The following PIKFYVE variants were observed in gnomAD, a reference collection of about 807,000 sequenced individuals.
PIKFYVE encodes phosphoinositide kinase, FYVE-type zinc finger containing.
PIKFYVE carries 122 observed loss-of-function variants against 257.9 expected under a neutral mutation model. The ratio of observed to expected loss-of-function variants is 0.47; its 90% CI spans 0.41 to 0.55. The LOEUF is 0.55. Ranked by LOEUF, PIKFYVE falls within the 20% of genes least tolerant of loss-of-function variation. The probability of loss-of-function intolerance (pLI) is 0.00; values close to 1 mark genes in which losing one functional copy is unlikely to be tolerated. For synonymous variants in PIKFYVE, 892 were observed against 868.9 expected (o/e 1.03, Z -0.47); for missense variants, 2,160 against 2,536.6 (o/e 0.85, Z 3.19).
intron 31 of PIKFYVE, 36 bp from the exon 32 acceptor site, chr2:208,342,518 A>T (rs371801680): frequency 3.5e-6 from 5 of 1,435,110 alleles, no homozygotes; most frequent in Admixed American, 3.3e-5. Context: ...ACTCTAGAGT[A>T]CTTAGTTAAC....
In PIKFYVE at chr2:208,358,020, G is replaced by A. The variant is rs1188947351; in HGVS notation, c.*2715G>A. On this transcript the variant is annotated 3_prime_UTR_variant, in exon 42 of 42. Coordinates refer to ENST00000264380, the MANE Select transcript of PIKFYVE (RefSeq NM_015040.4). ...AGAAAAATAATGAGAACAAGCTGTTGCAAGCTCTTTTGTAGTCTATTGAAT... is the reference window on the plus strand; with the variant it reads ...AGAAAAATAATGAGAACAAGCTGTTACAAGCTCTTTTGTAGTCTATTGAAT... 1 of 152,148 alleles carries A rather than the reference G, an allele frequency of 6.6e-6. No individual in the cohort carries two copies. Among genetic ancestry groups the A allele is most frequent in the African/African-American group, 2.4e-5 (1 of 41,434 alleles). 9.4% of individuals were successfully genotyped at this position (152,148 alleles called of 1,614,324 possible).
intron 17 of PIKFYVE, 32 bp downstream of exon 17, chr2:208,320,391 G>A: frequency 1.2e-6 from 2 of 1,606,698 alleles, no homozygotes; most frequent in Non-Finnish European, 1.7e-6. Flanking sequence ...TAATAATTTA[G>A]AGGGATGTTT....
chr2:208,349,992 C>A, intron 35 of PIKFYVE, 32 bp from the exon 36 acceptor site: 1 of 1,609,790 alleles, frequency 6.2e-7, no homozygotes, highest in Admixed American at 1.7e-5. Context: ...TACTCAAAAC[C>A]TTGGCTTTAC....
In PIKFYVE at chr2:208,304,869, A is replaced by C. The variant is rs1238394145; in HGVS notation, c.1492A>C (p.Thr498Pro). The change falls in exon 12 of 42, where the codon ACA becomes CCA. Residue 498 changes from threonine to proline, a missense_variant. This residue lies in a region of PIKFYVE where 346 missense variants were observed against 365.6 expected (regional missense o/e 0.95). Coordinates refer to ENST00000264380, the MANE Select transcript of PIKFYVE (RefSeq NM_015040.4). ...AGATTCTGCCAGTCCTAGCAAGCGC[A>C]CATCAGTCAGCAGTTTCCAGTCCAC... ...LANSASPSKR[T>P]SVSSFQSTVD... The C allele has an allele frequency of 3.1e-6, 5 of 1,614,154 alleles. No individual in the cohort carries two copies. In the Admixed American group the frequency reaches 8.3e-5, roughly 27 times the overall value.
chr2:208,341,429 C>G (rs1301670375), intron 31 of PIKFYVE, among the ~76,000 whole-genome samples: 2 of 152,076 alleles, frequency 1.3e-5, no homozygotes, highest in African/African-American at 4.8e-5. Context: ...AGACCTTCCC[C>G]CTTACCTCCT....
At chr2:208,296,453 C>T (rs912468747) in intron 7 of PIKFYVE, among the ~76,000 whole-genome samples, 11 of 152,098 alleles carry the variant, frequency 7.2e-5, no homozygotes, top group African/African-American at 2.7e-4. Context: ...CTGGGAGGAA[C>T]AGTTTGGTTT....
At chr2:208,278,260 A>C (rs1335383392) in intron 5 of PIKFYVE, among the ~76,000 whole-genome samples, 1 of 147,714 alleles carries the variant, frequency 6.8e-6, no homozygotes, top group African/African-American at 2.5e-5. Context: ...CTCTCATGTT[A>C]TTTTTGTTAT....
rs1559120628 is a variant in PIKFYVE, at chr2:208,321,570, C to CTTTTCTTTTCTTTTT, written c.2190+1215_2190+1216insCTTTTCTTTTTTTTT. On this transcript the variant is annotated intron_variant, in intron 17 of 41. Transcript: ENST00000264380. ...AATACTTCTTTTTTCTTTTTCTTTT[C>CTTTTCTTTTCTTTTT]TTTTGTTTTTTTTTTTTTTTTTTTG... Among the ~76,000 whole-genome samples the CTTTTCTTTTCTTTTT allele has an allele frequency of 3.8e-4, 4 of 10,598 alleles. 1 individual carries two copies. Among genetic ancestry groups the CTTTTCTTTTCTTTTT allele is most frequent in the African/African-American group, 5.3e-4 (4 of 7,536 alleles). The allele number at this position is 10,598 out of a possible 152,430, so 7.0% of individuals were successfully genotyped here. A position where few individuals can be genotyped will look rare whatever the true frequency, so the allele number is the denominator to read the frequency against.
chr2:208,297,143 C>T (rs1693092261), intron 7 of PIKFYVE, among the ~76,000 whole-genome samples: 1 of 152,122 alleles, frequency 6.6e-6, no homozygotes, highest in South Asian at 2.1e-4. Context: ...AATGCTGTCT[C>T]TAAATATAAT....
At chr2:208,274,277 T>C (rs1347380344) in intron 3 of PIKFYVE, among the ~76,000 whole-genome samples, 1 of 152,242 alleles carries the variant, frequency 6.6e-6, no homozygotes, top group Non-Finnish European at 1.5e-5. Context: ...AGTCATCTCC[T>C]TCATTTTCAT....
intron 32 of PIKFYVE, among the ~76,000 whole-genome samples, chr2:208,344,414 A>G (rs1442717310): frequency 6.6e-6 from 1 of 152,146 alleles, no homozygotes; most frequent in Non-Finnish European, 1.5e-5. Flanking sequence ...CCATATGATA[A>G]CATTTTTAGC....
At chr2:208,281,902 A>G (rs1406620331) in intron 5 of PIKFYVE, among the ~76,000 whole-genome samples, 3 of 152,210 alleles carry the variant, frequency 2.0e-5, no homozygotes, top group East Asian at 1.9e-4. Context: ...CTGATTTTTA[A>G]CAATCTTAGC....
intron 23 of PIKFYVE, among the ~76,000 whole-genome samples, chr2:208,331,379 T>G (rs902492986): frequency 6.6e-6 from 1 of 151,892 alleles, no homozygotes; most frequent in African/African-American, 2.4e-5. Flanking sequence ...CTTAATTAGG[T>G]TCTTTCTTTC....
Position 208,325,272 on chromosome 2 carries a change from C to G in PIKFYVE, c.2461C>G (p.Gln821Glu). ...YMQIFQLPNE[Q>E]TKTLMFFEGC... is the part of the protein sequence containing the mutation. ...TTTCTGTTTGTTTTTGTTTGTAGAA[C>G]AAACCAAGACACTGATGTTTTTTGA... Residue 821 changes from glutamine (Q) to glutamate (E), a missense_variant and splice_region_variant, in exon 20 of 42, where the codon CAA becomes GAA. Gln to Glu is a conservative substitution (Grantham distance 29). Around this residue, in one of 12 missense-constraint regions of PIKFYVE, gnomAD observed 522 missense variants for 514.6 expected, o/e 1.01. Transcript: ENST00000264380. 6.2e-7 allele frequency: 1 copy of G among 1,613,502 alleles called. No homozygotes were observed. The highest frequency in any genetic ancestry group is 8.5e-7 in the Non-Finnish European group (1 of 1,179,720).
chr2:208,278,995 A>T (rs889091321), intron 5 of PIKFYVE, among the ~76,000 whole-genome samples: 1 of 152,198 alleles, frequency 6.6e-6, no homozygotes, highest in African/African-American at 2.4e-5. Context: ...CGTCTTCCAC[A>T]GTGGCTGAAC....
chr2:208,315,558 G>T (rs186151456), intron 15 of PIKFYVE, among the ~76,000 whole-genome samples, 185 bp downstream of exon 15: 179 of 152,296 alleles, frequency 1.2e-3, no homozygotes, highest in African/African-American at 4.1e-3. Context: ...CATAGGAAGT[G>T]AAAGGTCAAT....
chr2:208,288,672 T>C (rs1691898725), intron 6 of PIKFYVE, 57 bp from the exon 7 acceptor site: 1 of 1,606,354 alleles, frequency 6.2e-7, no homozygotes, highest in Non-Finnish European at 8.5e-7. Context: ...AAGCGCCTCA[T>C]TGAAATTCCC....
Position 208,351,355 on chromosome 2 carries a change from A to G in PIKFYVE, c.5615A>G (p.Asp1872Gly), listed in dbSNP as rs1241198149. ...ACATAAAATTTCTGCCTTTTAGATG[A>G]TAGATTTATTTTGAAGCAAATGCCT... Reference protein sequence around the residue: ...SGAAFYATEDDRFILKQMPRL... With the variant: ...SGAAFYATEDGRFILKQMPRL... Residue 1872 changes from aspartate (D) to glycine (G), a missense_variant, in exon 38 of 42, where the codon GAT becomes GGT. Asp to Gly is a moderately conservative substitution (Grantham distance 94). This residue lies in a region of PIKFYVE where 699 missense variants were observed against 855.8 expected (regional missense o/e 0.82). Coordinates refer to ENST00000264380, the MANE Select transcript of PIKFYVE (RefSeq NM_015040.4). The G allele has an allele frequency of 6.8e-6, 11 of 1,610,722 alleles. No individual in the cohort carries two copies. Among genetic ancestry groups the G allele is most frequent in the Non-Finnish European group, 5.1e-6 (6 of 1,177,058 alleles).
Position 208,271,687 on chromosome 2 carries a change from C to T in PIKFYVE, c.168C>T (p.Asn56=). Residue 56 remains asparagine (N), a synonymous_variant, in exon 2 of 42, where the codon AAC becomes AAT. Coordinates refer to ENST00000264380, the MANE Select transcript of PIKFYVE (RefSeq NM_015040.4). Reference sequence around the variant, plus strand: ...CTTTTGTAAATCTCTTTCGTTTTAACAAAGGTAAGACTTATTAAAGATAAG... The same window carrying T: ...CTTTTGTAAATCTCTTTCGTTTTAATAAAGGTAAGACTTATTAAAGATAAG... ...YSSFVNLFRF[N]KERAEGGQGE... The T allele has an allele frequency of 6.2e-7, 1 of 1,612,050 alleles. No individual in the cohort carries two copies. Among genetic ancestry groups the T allele is most frequent in the Non-Finnish European group, 8.5e-7 (1 of 1,178,196 alleles).
Sources: gnomAD v4.1 joint callset for allele counts (sites outside exome capture counted in the v4.1 genomes callset) on GRCh38, gnomAD v4.1.1 for gene constraint, gnomAD v4.1.1 regional missense constraint, MANE v1.5 for transcripts, NCBI Gene and HGNC (gene_info 2026-07-23, HGNC 2026-07-21) for gene names.